The following NPIPA5 variants were observed in gnomAD, a reference collection of about 807,000 sequenced individuals.
NPIPA5 encodes the protein nuclear pore complex interacting protein family member A5, also known as nuclear pore complex-interacting protein family member A5.
In NPIPA5, 6 loss-of-function variants were observed where a neutral mutation model predicts 21.4. That is an observed-to-expected ratio of 0.28 (90% CI 0.15 to 0.55). The LOEUF (loss-of-function observed/expected upper bound fraction) is 0.55, where lower values mean the gene tolerates loss of function less well. Among genes scored for constraint, NPIPA5 ranks in the 20% least tolerant of loss-of-function variants. The pLI, the probability that NPIPA5 is intolerant of heterozygous loss-of-function variation, is 0.93. For missense variants in NPIPA5, 99 were observed against 318.2 expected (o/e 0.31, Z 5.24); for synonymous variants, 33 against 115.3 (o/e 0.29, Z 4.57).
chr16:15,369,555 T>C (rs1223915023), intron 4 of NPIPA5, among the ~76,000 whole-genome samples, 157 bp downstream of exon 4: 5 of 151,832 alleles, frequency 3.3e-5, no homozygotes, highest in Admixed American at 2.6e-4. Context: ...AAAGGAATTA[T>C]ACAGCTTAAA....
chr16:15,378,792 G>A (rs1350436003), upstream of NPIPA5, among the ~76,000 whole-genome samples: 4 of 54,028 alleles, frequency 7.4e-5, no homozygotes, highest in East Asian at 4.6e-4. Context: ...CTTACTGCCC[G>A]TGTGTGTGGA....
At chr16:15,374,114 C>T (rs2050224999) in intron 1 of NPIPA5, among the ~76,000 whole-genome samples, 1 of 145,550 alleles carries the variant, frequency 6.9e-6, no homozygotes. Context: ...ACTTCCCTGC[C>T]TATATTAAAA....
chr16:15,374,109 C>T (rs1009258544), intron 1 of NPIPA5, among the ~76,000 whole-genome samples: 1 of 145,894 alleles, frequency 6.9e-6, no homozygotes, highest in African/African-American at 2.6e-5. Flanking sequence ...TTTTGACTTC[C>T]CTGCCTATAT....
At chr16:15,369,380 C>T (rs1159113855) in intron 4 of NPIPA5, among the ~76,000 whole-genome samples, 1 of 149,844 alleles carries the variant, frequency 6.7e-6, no homozygotes, top group African/African-American at 2.5e-5. Flanking sequence ...TGCTTGAACC[C>T]AAAAGGCAGT....
At chr16:15,379,525 C>T (rs1645834185), upstream of NPIPA5, among the ~76,000 whole-genome samples, 1 of 151,920 alleles carries the variant, frequency 6.6e-6, no homozygotes, top group Non-Finnish European at 1.5e-5. Flanking sequence ...CGAGATTGCA[C>T]CACTGCACTC....
intron 2 of NPIPA5, among the ~76,000 whole-genome samples, chr16:15,372,291 C>T (rs1321240196): frequency 6.8e-6 from 1 of 147,370 alleles, no homozygotes; most frequent in African/African-American, 2.5e-5. Flanking sequence ...TTGAGACTAG[C>T]CTGGCCAACA....
intron 4 of NPIPA5, among the ~76,000 whole-genome samples, chr16:15,368,371 C>A (rs940050989): frequency 2.0e-5 from 3 of 152,046 alleles, no homozygotes; most frequent in Admixed American, 6.6e-5. Context: ...GGACCCCTGA[C>A]CATCCCCCAG....
rs529441547 is a variant in NPIPA5, at chr16:15,376,698, C to CG, written c.63+1533dup. 3.3e-3 allele frequency among the ~76,000 whole-genome samples: 496 copies of CG among 152,274 alleles called. 4 individuals carry two copies. The highest frequency in any genetic ancestry group is 0.011 in the African/African-American group (460 of 41,548). On this transcript the variant is annotated intron_variant, in intron 1 of 7. Transcript: ENST00000360151. ...CTGGGAGGCTGAGGCAGGCGGATCA[C>CG]GAGGTCAAGACATGGAGACTATCCT...
At chr16:15,381,378 A>C (rs376177829), upstream of NPIPA5, 9 of 529,670 alleles carry the variant, frequency 1.7e-5, no homozygotes, top group African/African-American at 1.7e-4. Flanking sequence ...GGTCATAATT[A>C]GTGGGATCCA....
At chr16:15,374,340 C>A (rs867187646) in intron 1 of NPIPA5, among the ~76,000 whole-genome samples, 343 of 150,960 alleles carry the variant, frequency 2.3e-3, no homozygotes, top group African/African-American at 7.8e-3. Context: ...CTGAGATTAC[C>A]GGTCTCTGCC....
chr16:15,370,731 A>T (rs1239464348), intron 2 of NPIPA5, among the ~76,000 whole-genome samples: 1 of 141,084 alleles, frequency 7.1e-6, no homozygotes, highest in Non-Finnish European at 1.5e-5. Flanking sequence ...AACATGGGCA[A>T]CAAAATTCAA....
intron 2 of NPIPA5, among the ~76,000 whole-genome samples, chr16:15,371,847 G>T: frequency 7.0e-6 from 1 of 143,840 alleles, no homozygotes. Flanking sequence ...GTTTTTTCCT[G>T]ATTTCTGCAC....
At position 15,370,909 on chromosome 16, in the gene NPIPA5, T is replaced by C. The variant is rs907027192; in HGVS notation, c.193-790A>G. 4.2e-5 allele frequency among the ~76,000 whole-genome samples: 6 copies of C among 142,232 alleles called. 2 individuals are homozygous for C. In the Admixed American group the frequency reaches 4.5e-4, roughly 11 times the overall value. The allele number at this position is 142,232 out of a possible 152,430, so 93.3% of individuals were successfully genotyped here. ...TAAAAATACAAAAATTAGCTGAGCA[T>C]GGTGGCGCACGCCTGTAGTCCCAGC... On this transcript the variant is annotated intron_variant, in intron 2 of 7. Transcript: ENST00000360151.
Position 15,377,605 on chromosome 16 carries a change from ACCGGGG to A in NPIPA5, c.63+621_63+626del, listed in dbSNP as rs922483100. 1.6e-4 allele frequency among the ~76,000 whole-genome samples: 20 copies of A among 123,124 alleles called. 1 individual carries two copies. The highest frequency in any genetic ancestry group is 6.0e-4 in the African/African-American group (20 of 33,126). The allele number at this position is 123,124 out of a possible 152,430, so 80.8% of individuals were successfully genotyped here. A position where few individuals can be genotyped will look rare whatever the true frequency, so the allele number is the denominator to read the frequency against. On this transcript the variant is annotated intron_variant, in intron 1 of 7. Transcript: ENST00000360151. Reference sequence around the variant, plus strand: ...GCAGGGCGGAGGGAAGGGGACGGGGACCGGGGCCGGATCTGAGTTGGGGAGGGGGAG... The same window carrying A: ...GCAGGGCGGAGGGAAGGGGACGGGGACCGGATCTGAGTTGGGGAGGGGGAG...
chr16:15,380,245 A>G (rs1255938390), upstream of NPIPA5, among the ~76,000 whole-genome samples: 1 of 151,844 alleles, frequency 6.6e-6, no homozygotes, highest in African/African-American at 2.4e-5. Flanking sequence ...TGTACTGTAG[A>G]ATGTATTTCT....
chr16:15,363,720 G>A lies in NPIPA5; in HGVS notation c.992C>T (p.Pro331Leu), dbSNP rs1303667994. 2 of 1,417,744 alleles carry A rather than the reference G, an allele frequency of 1.4e-6. No homozygotes were observed. The highest frequency in any genetic ancestry group is 2.4e-5 in the South Asian group (2 of 82,924). 87.8% of individuals were successfully genotyped at this position (1,417,744 alleles called of 1,614,324 possible). Residue 331 changes from proline (P) to leucine (L), a missense_variant, in exon 8 of 8, where the codon CCT becomes CTT. Pro to Leu is a moderately conservative substitution (Grantham distance 98, BLOSUM62 -3). Transcript: ENST00000360151. The stretch of plus-strand genomic sequence containing the variant: ...GGGGAGTGAGCAGACACACTCGGGA[G>A]GTGTCTTGAGATTATCATCCGCTGA... ...PPSADDNLKT[P>L]PECVCSLPFH...
At chr16:15,368,313 T>C (rs891489288) in intron 4 of NPIPA5, among the ~76,000 whole-genome samples, 71 of 151,638 alleles carry the variant, frequency 4.7e-4, no homozygotes, top group African/African-American at 1.7e-3. Context: ...CCCTGGCCTT[T>C]GTAGGGACTG....
In NPIPA5 at chr16:15,370,687, G is replaced by T. The variant is rs975686284; in HGVS notation, c.193-568C>A. Among the ~76,000 whole-genome samples, 3 of 139,826 alleles carry T rather than the reference G, an allele frequency of 2.1e-5. 1 individual carries two copies. Among genetic ancestry groups the T allele is most frequent in the African/African-American group, 5.2e-5 (2 of 38,642 alleles). The allele number at this position is 139,826 out of a possible 152,430, so 91.7% of individuals were successfully genotyped here. On this transcript the variant is annotated intron_variant, in intron 2 of 7. Coordinates refer to ENST00000360151, the MANE Select transcript of NPIPA5 (RefSeq NM_001277325.2). ...AATCACTTGAACCCAGCAGGAAAAG[G>T]TTGTGTTGAGCTGAGATTGTGCCAT...
chr16:15,369,343 C>A (rs2050082270), intron 4 of NPIPA5, among the ~76,000 whole-genome samples: 1 of 149,332 alleles, frequency 6.7e-6, no homozygotes, highest in East Asian at 2.0e-4. Flanking sequence ...GTAATCCCAG[C>A]TACTTGGGAG....
Sources: allele counts gnomAD v4.1 joint callset (sites outside exome capture counted in the v4.1 genomes callset), GRCh38; gene constraint gnomAD v4.1.1; transcripts MANE v1.5; gene names NCBI Gene and HGNC (gene_info 2026-07-23, HGNC 2026-07-21).